Variants in NHS observed in about 807,000 individuals in gnomAD.
NHS encodes actin remodeling regulator NHS.
Under a neutral mutation model 72.5 loss-of-function variants are expected in NHS, and 5 were observed. The observed-to-expected ratio is 0.07, with a 90% CI of 0.04 to 0.14. The LOEUF is 0.14. NHS is among the 10% of genes least tolerant of loss of function. The pLI is 1.00. For missense variants in NHS, 1,072 were observed against 1,355.7 expected (o/e 0.79, Z 3.29); for synonymous variants, 464 against 547.7 (o/e 0.85, Z 2.13).
chrX:17,718,092 A>C (rs2066375287), intron 3 of NHS, among the ~76,000 whole-genome samples: 1 of 110,873 alleles, frequency 9.0e-6, no homozygotes, highest in African/African-American at 3.3e-5. Flanking sequence ...CGATTCTTCT[A>C]AGTCTATTAC....
intron 1 of NHS, among the ~76,000 whole-genome samples, chrX:17,556,412 A>G (rs1176126089): frequency 2.7e-5 from 3 of 112,985 alleles, no homozygotes; most frequent in East Asian, 2.8e-4. Flanking sequence ...GGGCTCCTCT[A>G]TAGAGCCTTA....
At chrX:17,426,075 C>T (rs961928090) in intron 1 of NHS, 1 of 112,119 alleles carries the variant, frequency 8.9e-6, no homozygotes, top group African/African-American at 3.2e-5. Flanking sequence ...CTCAGAAATT[C>T]CAGTGGTGTG....
intron 3 of NHS, among the ~76,000 whole-genome samples, chrX:17,713,376 A>ATGGACATC (rs1175274750): frequency 8.9e-6 from 1 of 112,042 alleles, no homozygotes; most frequent in African/African-American, 3.2e-5. Flanking sequence ...GTGGTTTGCA[A>ATGGACATC]TGGACATCTT....
chrX:17,494,076 CTT>C (rs749475125), intron 1 of NHS, among the ~76,000 whole-genome samples: 12 of 73,313 alleles, frequency 1.6e-4, no homozygotes, highest in Non-Finnish European at 2.0e-4. Flanking sequence ...TCCTGGATGA[CTT>C]TTTTTTTTTT....
chrX:17,508,101 A>G (rs984494286), intron 1 of NHS, among the ~76,000 whole-genome samples: 21 of 111,385 alleles, frequency 1.9e-4, no homozygotes, highest in African/African-American at 6.5e-4. Context: ...ATTCAGTGGC[A>G]TCTAGTACAT....
chrX:17,480,309 A>G (rs773504798), intron 1 of NHS, among the ~76,000 whole-genome samples: 1 of 112,002 alleles, frequency 8.9e-6, no homozygotes, highest in South Asian at 3.7e-4. Context: ...CAAAAAAAAG[A>G]GCCTGTATAG....
At chrX:17,554,346 T>C (rs2065354653) in intron 1 of NHS, among the ~76,000 whole-genome samples, 2 of 112,041 alleles carry the variant, frequency 1.8e-5, no homozygotes, top group South Asian at 7.5e-4. Flanking sequence ...GTGCCTTTCC[T>C]CAGAACACTG....
intron 1 of NHS, among the ~76,000 whole-genome samples, chrX:17,656,813 G>C (rs946863501): frequency 9.0e-6 from 1 of 111,641 alleles, no homozygotes; most frequent in African/African-American, 3.3e-5. Context: ...ATGAGGATTC[G>C]ACGGCTCTGT....
intron 1 of NHS, among the ~76,000 whole-genome samples, chrX:17,541,006 A>T (rs1307977268): frequency 1.8e-5 from 2 of 111,871 alleles, no homozygotes; most frequent in Non-Finnish European, 3.8e-5. Flanking sequence ...TGAGAGGCAG[A>T]GGTTTCAATG....
chrX:17,731,925 C>T lies in NHS; in HGVS notation c.4417C>T (p.Pro1473Ser), dbSNP rs2066489635. Residue 1473 changes from proline to serine, a missense_variant, in exon 9 of 9, where the codon CCC (proline) becomes TCC (serine). Pro to Ser is a moderately conservative substitution (Grantham distance 74). Transcript: ENST00000676302. ...DMSVRSKSRA[P>S]LSSSSSSASS... ...GTCTGTTCGAAGCAAATCGAGAGCT[C>T]CCCTCAGCAGTAGCAGCAGCAGCGC... is the stretch of plus-strand genomic sequence containing the variant. 8.3e-7 allele frequency: 1 copy of T among 1,211,227 alleles called. No individual in the cohort carries two copies. The highest frequency in any genetic ancestry group is 1.1e-6 in the Non-Finnish European group (1 of 895,180).
In NHS at chrX:17,479,352, T is replaced by A. The variant is rs768905642; in HGVS notation, c.565+103030T>A. Among the ~76,000 whole-genome samples, 5 of 112,561 alleles carry A rather than the reference T, an allele frequency of 4.4e-5. No homozygotes were observed. In the East Asian group the frequency reaches 1.4e-3, roughly 31 times the overall value. The stretch of plus-strand genomic sequence containing the variant: ...AAGTCTTTGCTATTGTGAATAGTGC[T>A]GCAATAAATATACGTGTGCATGTGT... On this transcript the variant is annotated intron_variant, in intron 1 of 8. Transcript: ENST00000676302.
intron 1 of NHS, among the ~76,000 whole-genome samples, chrX:17,622,514 A>G (rs2065778887): frequency 8.9e-6 from 1 of 112,406 alleles, no homozygotes; most frequent in Admixed American, 9.4e-5. Context: ...CCCCATGGCT[A>G]AAATCATGTT....
At chrX:17,724,995 T>C (rs1446490783) in intron 6 of NHS, among the ~76,000 whole-genome samples, 2 of 111,691 alleles carry the variant, frequency 1.8e-5, no homozygotes, top group Non-Finnish European at 3.8e-5. Flanking sequence ...ATCATGTTTA[T>C]ATTACAAAAT....
At chrX:17,651,514 C>A (rs1279036009) in intron 1 of NHS, among the ~76,000 whole-genome samples, 1 of 112,223 alleles carries the variant, frequency 8.9e-6, no homozygotes, top group Admixed American at 9.4e-5. Flanking sequence ...CAGTTTAATG[C>A]TGGTTAGCTT....
At chrX:17,430,950 C>A (rs1487950746) in intron 1 of NHS, among the ~76,000 whole-genome samples, 3 of 112,069 alleles carry the variant, frequency 2.7e-5, no homozygotes, top group Non-Finnish European at 5.6e-5. Context: ...GTGTGCAAGT[C>A]TTTGTGTGGA....
intron 1 of NHS, among the ~76,000 whole-genome samples, chrX:17,575,948 C>T (rs1448325200): frequency 8.9e-6 from 1 of 111,761 alleles, no homozygotes. Flanking sequence ...GAGAGTGGTA[C>T]CCTCCTTGGA....
chrX:17,648,713 T>C (rs969698523), intron 1 of NHS, among the ~76,000 whole-genome samples: 1 of 112,194 alleles, frequency 8.9e-6, no homozygotes, highest in African/African-American at 3.2e-5. Context: ...GTAAATATCA[T>C]GGGTCATGAA....
intron 1 of NHS, among the ~76,000 whole-genome samples, chrX:17,573,732 T>C (rs1326007080): frequency 8.1e-5 from 9 of 111,022 alleles, no homozygotes; most frequent in Non-Finnish European, 1.9e-5. Context: ...GGCGAGGAGT[T>C]GTGTTCCTTT....
chrX:17,694,915 C>T (rs1045412183), intron 3 of NHS, among the ~76,000 whole-genome samples: 18 of 111,535 alleles, frequency 1.6e-4, no homozygotes, highest in African/African-American at 5.9e-4. Context: ...TTTCTGACTC[C>T]CAGTCTCTTT....
Sources: gnomAD v4.1 joint callset for allele counts (sites outside exome capture counted in the v4.1 genomes callset) on GRCh38, gnomAD v4.1.1 for gene constraint, MANE v1.5 for transcripts, NCBI Gene and HGNC (gene_info 2026-07-23, HGNC 2026-07-21) for gene names.